Variants in EIF2AK3 observed in about 807,000 individuals in gnomAD.
EIF2AK3 encodes eukaryotic translation initiation factor 2-alpha kinase 3.
Under a neutral mutation model 113.5 loss-of-function variants are expected in EIF2AK3, and 50 were observed. The ratio of observed to expected loss-of-function variants is 0.44; its 90% CI spans 0.35 to 0.56. EIF2AK3 has a LOEUF of 0.56. Ranked by LOEUF, EIF2AK3 falls within the 20% of genes least tolerant of loss-of-function variation. The pLI, the probability that EIF2AK3 is intolerant of heterozygous loss-of-function variation, is 0.00. For missense variants in EIF2AK3, 1,185 were observed against 1,378.0 expected, an observed-to-expected ratio of 0.86 and a Z score of 2.22; for synonymous variants, 448 against 495.4, an observed-to-expected ratio of 0.90 and a Z score of 1.27.
At chr2:88,559,934 G>T (rs939812881) in intron 15 of EIF2AK3, among the ~76,000 whole-genome samples, 1 of 152,014 alleles carries the variant, frequency 6.6e-6, no homozygotes, top group Non-Finnish European at 1.5e-5. Flanking sequence ...ACAAGCTTTT[G>T]TCTATGTTTT....
intron 1 of EIF2AK3, among the ~76,000 whole-genome samples, chr2:88,623,524 T>A (rs1313289010): frequency 6.6e-6 from 1 of 152,092 alleles, no homozygotes; most frequent in Non-Finnish European, 1.5e-5. Context: ...CATGCAAAAA[T>A]AAAGATAATT....
At chr2:88,612,032 A>G (rs1675469349) in intron 2 of EIF2AK3, among the ~76,000 whole-genome samples, 1 of 152,142 alleles carries the variant, frequency 6.6e-6, no homozygotes, top group Non-Finnish European at 1.5e-5. Context: ...AACCACAGAA[A>G]ATGGTGCGAA....
intron 2 of EIF2AK3, among the ~76,000 whole-genome samples, chr2:88,605,854 CTGTT>C (rs1367811768): frequency 2.0e-5 from 3 of 151,826 alleles, no homozygotes; most frequent in African/African-American, 4.8e-5. Context: ...AAAAGGAAGA[CTGTT>C]TGATAAAAGT....
Position 88,590,403 on chromosome 2 carries a change from G to T in EIF2AK3, c.1165+40C>A, listed in dbSNP as rs764840142. 8.7e-6 allele frequency: 14 copies of T among 1,605,884 alleles called. 1 individual carries two copies. In the South Asian group the frequency reaches 1.1e-4, roughly 13 times the overall value. Reference sequence around the variant, plus strand: ...AACAATGTAAGAAGAAAATCTAGATGTCAATGTGTACTATCGTTAGATAAG... The same window carrying T: ...AACAATGTAAGAAGAAAATCTAGATTTCAATGTGTACTATCGTTAGATAAG... On this transcript the variant is annotated intron_variant, in intron 6 of 16. Transcript: ENST00000303236.
chr2:88,571,400 T>G lies in EIF2AK3; in HGVS notation c.2818-359A>C, dbSNP rs191013676. ...GACTTAAAGCCTTAATAATTATAAC[T>G]AATAATAACTAGTTCATAAATAGAA... On this transcript the variant is annotated intron_variant, in intron 13 of 16. Coordinates refer to ENST00000303236, the MANE Select transcript of EIF2AK3 (RefSeq NM_004836.7). Among the ~76,000 whole-genome samples the G allele has an allele frequency of 7.0e-4, 106 of 152,328 alleles. 1 individual carries two copies. The East Asian group carries it at 0.013, about 19-fold the overall frequency.
At chr2:88,614,470 C>T (rs1675525456) in intron 1 of EIF2AK3, among the ~76,000 whole-genome samples, 1 of 152,180 alleles carries the variant, frequency 6.6e-6, no homozygotes, top group South Asian at 2.1e-4. Flanking sequence ...ACTGTCACCA[C>T]CTAACATATT....
rs564530424 is a variant in EIF2AK3, at chr2:88,577,726, T to G, written c.1887-1023A>C. Among the ~76,000 whole-genome samples, 17 of 152,226 alleles carry G rather than the reference T, an allele frequency of 1.1e-4. No individual in the cohort carries two copies. In the South Asian group the frequency reaches 3.5e-3, roughly 32 times the overall value. Reference sequence around the variant, plus strand: ...TTCCATCCTCCCCTATTCTTACCCTTTGTTCCATCTACTCCAGAACTCTCA... The same window carrying G: ...TTCCATCCTCCCCTATTCTTACCCTGTGTTCCATCTACTCCAGAACTCTCA... On this transcript the variant is annotated intron_variant, in intron 11 of 16. Transcript: ENST00000303236.
intron 1 of EIF2AK3, among the ~76,000 whole-genome samples, chr2:88,624,068 T>A (rs1675799818): frequency 6.6e-6 from 1 of 152,102 alleles, no homozygotes; most frequent in Non-Finnish European, 1.5e-5. Context: ...CTCAGCTCAC[T>A]GCAACCTCCG....
chr2:88,627,050 A>G lies in EIF2AK3; in HGVS notation c.225T>C (p.Ala75=). ...CTCCCGCGGCTGCCGGCAGCGCCTC[A>G]GCGTCCTCCACAGTCACCTCGGCCG... ...VAAAEVTVED[A]EALPAAAGEQ... is the part of the protein sequence containing the mutation. The change falls in exon 1 of 17, where the codon GCT becomes GCC. Residue 75 remains alanine, a synonymous_variant. Transcript: ENST00000303236. 6.3e-7 allele frequency: 1 copy of G among 1,597,502 alleles called. No homozygotes were observed. Among genetic ancestry groups the G allele is most frequent in the African/African-American group, 1.3e-5 (1 of 74,314 alleles).
chr2:88,590,715 C>G (rs917218692), intron 5 of EIF2AK3, 103 bp downstream of exon 5: 47 of 1,565,100 alleles, frequency 3.0e-5, no homozygotes, highest in Non-Finnish European at 3.9e-5. Flanking sequence ...AGAGAACAAG[C>G]TGAGAGCCCC....
At chr2:88,596,782 T>C (rs895690717) in intron 2 of EIF2AK3, among the ~76,000 whole-genome samples, 1 of 152,170 alleles carries the variant, frequency 6.6e-6, no homozygotes, top group African/African-American at 2.4e-5. Flanking sequence ...GTTTGGGATA[T>C]AATTGAAAGG....
chr2:88,608,981 G>A (rs1174705499), intron 2 of EIF2AK3, among the ~76,000 whole-genome samples: 2 of 150,432 alleles, frequency 1.3e-5, no homozygotes, highest in Non-Finnish European at 3.0e-5. Context: ...CAATCCACCT[G>A]CCTTGGCTTC....
intron 8 of EIF2AK3, among the ~76,000 whole-genome samples, chr2:88,586,762 T>C (rs1360277022): frequency 2.0e-5 from 3 of 151,600 alleles, no homozygotes; most frequent in African/African-American, 7.3e-5. Flanking sequence ...TGGCTAATTT[T>C]TGTATTTTTA....
chr2:88,595,481 T>A lies in EIF2AK3; in HGVS notation c.621A>T (p.Ala207=), dbSNP rs751939094. 6.2e-7 allele frequency: 1 copy of A among 1,614,012 alleles called. No homozygotes were observed. The highest frequency in any genetic ancestry group is 1.7e-5 in the Admixed American group (1 of 60,018). ...GKSLTTYGLS[A]YSGKVRYICS... is the part of the protein sequence containing the mutation. ...CATTTTCACTTACCTTTCCACTATA[T>A]GCACTGAGTCCATATGTAGTCAGAG... Residue 207 remains alanine, a synonymous_variant, in exon 3 of 17, where the codon GCA becomes GCT. Transcript: ENST00000303236.
chr2:88,570,775 C>G (rs1461061870), intron 14 of EIF2AK3, 99 bp downstream of exon 14: 2 of 1,473,294 alleles, frequency 1.4e-6, no homozygotes, highest in South Asian at 2.3e-5. Context: ...TTCAGACTTA[C>G]TGGGTTTTAG....
At chr2:88,560,146 A>G (rs763420665) in intron 15 of EIF2AK3, among the ~76,000 whole-genome samples, 8 of 152,042 alleles carry the variant, frequency 5.3e-5, no homozygotes, top group Non-Finnish European at 1.2e-4. Context: ...TTTATTACAG[A>G]TACCCTAGAT....
intron 8 of EIF2AK3, 84 bp from the exon 9 acceptor site, chr2:88,586,145 CTG>C (rs1287694970): frequency 9.2e-7 from 1 of 1,092,016 alleles, no homozygotes; most frequent in African/African-American, 1.6e-5. Flanking sequence ...ATCCATTTTC[CTG>C]TGACTTATCA....
At position 88,576,370 on chromosome 2, in the gene EIF2AK3, C is replaced by T. The variant is rs186351600; in HGVS notation, c.2036+184G>A. ...GCTGGGATTACAGGCATGAGTCACC[C>T]GTGTATGTTCTCAAAATCTAAACCA... On this transcript the variant is annotated intron_variant, in intron 12 of 16. Transcript: ENST00000303236. Among the ~76,000 whole-genome samples the T allele has an allele frequency of 2.0e-3, 310 of 152,050 alleles. No homozygotes were observed. The highest frequency in any genetic ancestry group is 6.0e-3 in the Admixed American group (92 of 15,272).
chr2:88,615,557 GATACTGA>G (rs1307958491), intron 1 of EIF2AK3, among the ~76,000 whole-genome samples: 1 of 152,126 alleles, frequency 6.6e-6, no homozygotes, highest in Non-Finnish European at 1.5e-5. Context: ...GTCTTCACCA[GATACTGA>G]ATCTGCCAGT....
Sources: allele counts gnomAD v4.1 joint callset (sites outside exome capture counted in the v4.1 genomes callset), GRCh38; gene constraint gnomAD v4.1.1; transcripts MANE v1.5; gene names NCBI Gene and HGNC (gene_info 2026-07-23, HGNC 2026-07-21).